DCBLD1: variants seen among roughly 807,000 people sequenced by gnomAD.
DCBLD1 encodes discoidin, CUB and LCCL domain-containing protein 1.
In DCBLD1, 57 loss-of-function variants were observed where a neutral mutation model predicts 71.5. That is an observed-to-expected ratio of 0.80 (90% confidence interval 0.64 to 0.99). The LOEUF is 0.99. Ranked by LOEUF, DCBLD1 falls within the 50% of genes least tolerant of loss-of-function variation. The pLI is 0.00. For synonymous variants in DCBLD1, 380 were observed against 363.8 expected, an observed-to-expected ratio of 1.04 and a Z score of -0.51; for missense variants, 891 against 923.5, an observed-to-expected ratio of 0.96 and a Z score of 0.46.
intron 2 of DCBLD1, among the ~76,000 whole-genome samples, chr6:117,515,692 A>G (rs1186219749): frequency 1.3e-5 from 2 of 152,250 alleles, no homozygotes; most frequent in African/African-American, 4.8e-5. Flanking sequence ...GAGCAAGAGT[A>G]AAGTTTATAA....
In DCBLD1 at chr6:117,562,436, C is replaced by A. The variant is rs1282551561; in HGVS notation, c.1616-7184C>A. The stretch of plus-strand genomic sequence containing the variant: ...TATGAACAACTCAAAATGTATAAAA[C>A]TGTCTTTTGTGGACCCCAGAAAACA... On this transcript the variant is annotated intron_variant, in intron 14 of 14. Coordinates refer to the DCBLD1 transcript ENST00000296955. 4 of 202,208 alleles carry A rather than the reference C, an allele frequency of 2.0e-5. No individual in the cohort carries two copies. In the East Asian group the frequency reaches 3.1e-4, roughly 15 times the overall value. 12.5% of individuals were successfully genotyped at this position (202,208 alleles called of 1,614,324 possible).
At chr6:117,556,839 C>G (rs746527523) in intron 14 of DCBLD1, among the ~76,000 whole-genome samples, 8 of 152,178 alleles carry the variant, frequency 5.3e-5, no homozygotes, top group African/African-American at 1.9e-4. Flanking sequence ...ACATTCCCAC[C>G]AACGGTGTAA....
At chr6:117,519,049 GA>G (rs1185393562) in intron 2 of DCBLD1, among the ~76,000 whole-genome samples, 1 of 152,010 alleles carries the variant, frequency 6.6e-6, no homozygotes, top group Non-Finnish European at 1.5e-5. Context: ...CTATTTCATA[GA>G]GATTGTCTTG....
At chr6:117,531,859 T>C (rs1041152700) in intron 5 of DCBLD1, among the ~76,000 whole-genome samples, 1 of 152,218 alleles carries the variant, frequency 6.6e-6, no homozygotes, top group African/African-American at 2.4e-5. Flanking sequence ...AACAAGCCAC[T>C]CCAAAACTTA....
At chr6:117,503,485 A>T (rs575995080) in intron 1 of DCBLD1, 2 of 391,448 alleles carry the variant, frequency 5.1e-6, no homozygotes, top group South Asian at 6.5e-5. Flanking sequence ...GAGATAGATG[A>T]TTAGAAAAAA....
chr6:117,485,734 A>G (rs930827407), intron 1 of DCBLD1, among the ~76,000 whole-genome samples: 1 of 152,218 alleles, frequency 6.6e-6, no homozygotes, highest in Non-Finnish European at 1.5e-5. Context: ...TAACTAATGG[A>G]AACCAAGTAA....
intron 14 of DCBLD1, chr6:117,561,346 T>A (rs1321910908): frequency 8.9e-6 from 2 of 224,958 alleles, no homozygotes; most frequent in East Asian, 1.3e-4. Flanking sequence ...AAGGATTCAG[T>A]CATAGCAGAT....
intron 14 of DCBLD1, chr6:117,561,112 G>A (rs1779576542): frequency 4.5e-6 from 1 of 223,540 alleles, no homozygotes; most frequent in Non-Finnish European, 8.9e-6. Context: ...CCACAGTGAA[G>A]CAGGAATGAA....
intron 3 of DCBLD1, 100 bp from the exon 4 acceptor site, chr6:117,521,420 ATAAAT>A: frequency 1.0e-6 from 1 of 957,104 alleles, no homozygotes; most frequent in Non-Finnish European, 1.5e-6. Flanking sequence ...TACATAGTGA[ATAAAT>A]GCTTTTTAAA....
At chr6:117,490,726 A>G (rs1223552469) in intron 1 of DCBLD1, among the ~76,000 whole-genome samples, 1 of 149,732 alleles carries the variant, frequency 6.7e-6, no homozygotes, top group East Asian at 1.9e-4. Flanking sequence ...AGCATCTTCA[A>G]ACTCAAATTA....
intron 2 of DCBLD1, among the ~76,000 whole-genome samples, chr6:117,512,987 T>C (rs1778074052): frequency 6.6e-6 from 1 of 152,196 alleles, no homozygotes; most frequent in South Asian, 2.1e-4. Flanking sequence ...AAACAATAAC[T>C]TAGTTTTATT....
At chr6:117,524,726 T>G (rs763231677) in intron 4 of DCBLD1, among the ~76,000 whole-genome samples, 3 of 152,150 alleles carry the variant, frequency 2.0e-5, no homozygotes, top group Non-Finnish European at 4.4e-5. Context: ...TTATTTCTGT[T>G]TATTACATTT....
At chr6:117,538,534 A>C in intron 7 of DCBLD1, 86 bp from the exon 8 acceptor site, 1 of 1,250,830 alleles carries the variant, frequency 8.0e-7, no homozygotes, top group Non-Finnish European at 1.1e-6. Flanking sequence ...CTAGTTGAAT[A>C]TTTCTAGGTG....
intron 14 of DCBLD1, among the ~76,000 whole-genome samples, chr6:117,558,232 C>G (rs987642123): frequency 1.3e-5 from 2 of 152,180 alleles, no homozygotes; most frequent in Non-Finnish European, 2.9e-5. Context: ...CAGCCTGAAG[C>G]TCAGCTGTTT....
chr6:117,515,488 T>C (rs907583650), intron 2 of DCBLD1, among the ~76,000 whole-genome samples: 3 of 152,238 alleles, frequency 2.0e-5, no homozygotes, highest in African/African-American at 7.2e-5. Context: ...TACTTCACAA[T>C]ATTCATCCTT....
At chr6:117,529,694 A>G (rs137864343) in intron 5 of DCBLD1, among the ~76,000 whole-genome samples, 3 of 152,318 alleles carry the variant, frequency 2.0e-5, no homozygotes, top group Admixed American at 6.5e-5. Context: ...TAAAGAAAAT[A>G]ATCCTGGAAA....
At chr6:117,509,281 G>C (rs1375160679) in intron 2 of DCBLD1, among the ~76,000 whole-genome samples, 2 of 151,990 alleles carry the variant, frequency 1.3e-5, no homozygotes, top group Non-Finnish European at 2.9e-5. Context: ...AAAATACAAA[G>C]ATTAGCTGGG....
At chr6:117,487,371 A>G (rs1260659587) in intron 1 of DCBLD1, among the ~76,000 whole-genome samples, 1 of 152,172 alleles carries the variant, frequency 6.6e-6, no homozygotes, top group African/African-American at 2.4e-5. Flanking sequence ...CACACCTGTA[A>G]TCCCAGCACT....
chr6:117,548,826 G>A lies in DCBLD1; in HGVS notation c.*387G>A, dbSNP rs577160859. On this transcript the variant is annotated 3_prime_UTR_variant, in exon 15 of 15. Transcript: ENST00000338728. ...TTTTAGTTCTGCACAGAGGTTAAGTGGGAAAATGCAGCTGTTGCAAAATGT... is the reference window on the plus strand; with the variant it reads ...TTTTAGTTCTGCACAGAGGTTAAGTAGGAAAATGCAGCTGTTGCAAAATGT... 8.7e-5 allele frequency: 92 copies of A among 1,062,418 alleles called. 1 individual carries two copies. The South Asian group carries it at 2.7e-3, about 32-fold the overall frequency. 65.8% of individuals were successfully genotyped at this position (1,062,418 alleles called of 1,614,324 possible).
Sources: gnomAD v4.1 joint callset for allele counts (sites outside exome capture counted in the v4.1 genomes callset) on GRCh38, gnomAD v4.1.1 for gene constraint, MANE v1.5 for transcripts, NCBI Gene and HGNC (gene_info 2026-07-23, HGNC 2026-07-21) for gene names.